Variants in CMC1 observed in about 807,000 individuals in gnomAD.
The protein encoded by CMC1 is C-X9-C motif containing 1.
In CMC1, 14 loss-of-function variants were observed where a neutral mutation model predicts 14.1. The ratio of observed to expected loss-of-function variants is 0.99; its 90% confidence interval spans 0.66 to 1.55. CMC1 has a LOEUF of 1.55. Ranked by LOEUF, CMC1 falls within the 40% of genes most tolerant of loss-of-function variation. The probability of loss-of-function intolerance (pLI) is 0.00; values close to 1 mark genes in which losing one functional copy is unlikely to be tolerated. For missense variants in CMC1, 127 were observed against 123.8 expected (o/e 1.03, Z -0.12); for synonymous variants, 50 against 38.4 (o/e 1.30, Z -1.12).
intron 2 of CMC1, among the ~76,000 whole-genome samples, chr3:28,270,505 A>G (rs1700224282): frequency 6.6e-6 from 1 of 152,098 alleles, no homozygotes; most frequent in Non-Finnish European, 1.5e-5. Context: ...TTCTTCAATG[A>G]CCAGTGATGT....
At chr3:28,265,012 G>C (rs1389398160) in intron 2 of CMC1, among the ~76,000 whole-genome samples, 1 of 152,000 alleles carries the variant, frequency 6.6e-6, no homozygotes, top group East Asian at 1.9e-4. Context: ...ATATTTATTT[G>C]TGTTACAAAA....
rs1703281201 is a variant in CMC1 at position 28,323,992 on chromosome 3, CACTGAA to C, written c.*4365_*4370del. 1 of 1,512,130 alleles carries C rather than the reference CACTGAA, an allele frequency of 6.6e-7. No homozygotes were observed. Among genetic ancestry groups the C allele is most frequent in the Admixed American group, 2.1e-5 (1 of 48,678 alleles). 93.7% of individuals were successfully genotyped at this position (1,512,130 alleles called of 1,614,324 possible). ...TTGTTAAATAATTTCTTGGGAGGAC[CACTGAA>C]AGAGATAAGTGTCCTCATGGTGAAA... On this transcript the variant is annotated 3_prime_UTR_variant, in exon 4 of 4. Coordinates refer to ENST00000466830, the MANE Select transcript of CMC1 (RefSeq NM_182523.2).
chr3:28,285,955 C>T (rs947749300), intron 2 of CMC1, among the ~76,000 whole-genome samples: 3 of 151,888 alleles, frequency 2.0e-5, no homozygotes, highest in Admixed American at 6.6e-5. Context: ...TTAGTAGAGA[C>T]GGGGTTTCAC....
intron 2 of CMC1, among the ~76,000 whole-genome samples, chr3:28,283,690 G>A (rs1345977550): frequency 1.3e-5 from 2 of 152,000 alleles, no homozygotes; most frequent in African/African-American, 4.8e-5. Flanking sequence ...CTAACTGACT[G>A]TTCCAGACAG....
At chr3:28,245,211 C>T (rs1698756686) in intron 1 of CMC1, among the ~76,000 whole-genome samples, 1 of 152,028 alleles carries the variant, frequency 6.6e-6, no homozygotes, top group Non-Finnish European at 1.5e-5. Flanking sequence ...CTCTGTTTTC[C>T]TCAAGAAACT....
intron 2 of CMC1, among the ~76,000 whole-genome samples, chr3:28,315,647 C>T (rs545934906): frequency 6.6e-5 from 10 of 152,138 alleles, no homozygotes; most frequent in Non-Finnish European, 8.8e-5. Flanking sequence ...TACAGTCGTG[C>T]ACTGCATGAC....
intron 1 of CMC1, among the ~76,000 whole-genome samples, chr3:28,245,082 C>T (rs901436746): frequency 6.6e-6 from 1 of 151,598 alleles, no homozygotes; most frequent in Non-Finnish European, 1.5e-5. Flanking sequence ...ATAATAGATA[C>T]ACCAATTGAG....
chr3:28,256,386 T>A (rs984373913), intron 1 of CMC1, among the ~76,000 whole-genome samples: 1 of 152,062 alleles, frequency 6.6e-6, no homozygotes, highest in Middle Eastern at 3.2e-3. Flanking sequence ...AAACCTCAAT[T>A]CTACTCTTAA....
intron 1 of CMC1, among the ~76,000 whole-genome samples, chr3:28,259,656 A>G (rs528962719): frequency 9.2e-5 from 14 of 152,172 alleles, no homozygotes; most frequent in African/African-American, 3.1e-4. Flanking sequence ...TTTTTCTTTA[A>G]CTTTTTATTT....
At chr3:28,278,331 A>G (rs1022587512) in intron 2 of CMC1, among the ~76,000 whole-genome samples, 8 of 152,148 alleles carry the variant, frequency 5.3e-5, no homozygotes, top group Admixed American at 4.6e-4. Flanking sequence ...AGTTTTGGAT[A>G]TGTTAACTTT....
intron 2 of CMC1, among the ~76,000 whole-genome samples, chr3:28,300,595 C>A (rs1021095050): frequency 1.1e-5 from 1 of 93,988 alleles, no homozygotes; most frequent in African/African-American, 3.0e-5. Flanking sequence ...TTCTATCTCT[C>A]TTCCTTCCTT....
In CMC1 at chr3:28,323,514, A is replaced by G. The variant is rs1168637435; in HGVS notation, c.*3885A>G. 6.6e-6 allele frequency: 1 copy of G among 151,546 alleles called. No individual in the cohort carries two copies. The highest frequency in any genetic ancestry group is 1.5e-5 in the Non-Finnish European group (1 of 67,372). 9.4% of individuals were successfully genotyped at this position (151,546 alleles called of 1,614,324 possible). ...CAAAAAATCACTTTAAATCTTAAAT[A>G]TTGAAACGCAATAGCATATAAAGAT... is the stretch of plus-strand genomic sequence containing the variant. On this transcript the variant is annotated 3_prime_UTR_variant, in exon 4 of 4. Coordinates refer to ENST00000466830, the MANE Select transcript of CMC1 (RefSeq NM_182523.2).
In CMC1 at chr3:28,305,599, A is replaced by C. The variant is rs146748615; in HGVS notation, c.110-10734A>C. ...TCCTTTGTTGGATGCATAGTTTGCA[A>C]GTATTTTCTCCTTTTCTCTAGGTTG... On this transcript the variant is annotated intron_variant, in intron 2 of 3. Transcript: ENST00000466830. 2.6e-3 allele frequency among the ~76,000 whole-genome samples: 391 copies of C among 152,126 alleles called. 2 individuals carry two copies. Among genetic ancestry groups the C allele is most frequent in the African/African-American group, 8.9e-3 (369 of 41,496 alleles).
At chr3:28,247,991 C>T (rs1329836292) in intron 1 of CMC1, among the ~76,000 whole-genome samples, 2 of 152,060 alleles carry the variant, frequency 1.3e-5, no homozygotes, top group African/African-American at 2.4e-5. Context: ...GAGAGTTTTC[C>T]TGATTGCCAC....
chr3:28,250,204 A>G (rs1576972840), intron 1 of CMC1, among the ~76,000 whole-genome samples: 1 of 152,210 alleles, frequency 6.6e-6, no homozygotes, highest in East Asian at 1.9e-4. Flanking sequence ...GATTGGATAT[A>G]TAGTGTGATG....
chr3:28,281,787 C>T (rs1368040759), intron 2 of CMC1, among the ~76,000 whole-genome samples: 1 of 152,124 alleles, frequency 6.6e-6, no homozygotes, highest in Non-Finnish European at 1.5e-5. Flanking sequence ...ATCAACTGGA[C>T]CTTGAAGTAC....
intron 1 of CMC1, among the ~76,000 whole-genome samples, chr3:28,244,723 C>T (rs6795287): frequency 6.8e-6 from 1 of 147,466 alleles, no homozygotes; most frequent in African/African-American, 2.5e-5. Context: ...GAGACTTCGT[C>T]TCAAAAAAAA....
intron 2 of CMC1, among the ~76,000 whole-genome samples, chr3:28,263,819 C>T (rs1478921136): frequency 2.0e-5 from 3 of 152,026 alleles, no homozygotes; most frequent in African/African-American, 7.2e-5. Flanking sequence ...TTAATAGAAT[C>T]CTGATAGGAC....
chr3:28,293,321 T>C (rs1701576989), intron 2 of CMC1, among the ~76,000 whole-genome samples: 1 of 147,538 alleles, frequency 6.8e-6, no homozygotes, highest in Non-Finnish European at 1.5e-5. Flanking sequence ...TTTTTTTTTT[T>C]CGAGTGGCTG....
Sources: allele counts gnomAD v4.1 joint callset (sites outside exome capture counted in the v4.1 genomes callset), GRCh38; gene constraint gnomAD v4.1.1; transcripts MANE v1.5; gene names NCBI Gene and HGNC (gene_info 2026-07-23, HGNC 2026-07-21).